PAPPA2: variants seen among roughly 807,000 people sequenced by gnomAD.
The protein encoded by PAPPA2 is pappalysin 2.
In PAPPA2, 86 loss-of-function variants were observed where a neutral mutation model predicts 176.4. That is an observed-to-expected ratio of 0.49 (90% CI 0.41 to 0.58). The LOEUF (loss-of-function observed/expected upper bound fraction) is 0.58, where lower values mean the gene tolerates loss of function less well. Among genes scored for constraint, PAPPA2 ranks in the 20% least tolerant of loss-of-function variants. The probability of loss-of-function intolerance (pLI) is 0.00; values close to 1 mark genes in which losing one functional copy is unlikely to be tolerated. For missense variants in PAPPA2, 2,073 were observed against 2,256.9 expected, an observed-to-expected ratio of 0.92 and a Z score of 1.65; for synonymous variants, 809 against 852.2, an observed-to-expected ratio of 0.95 and a Z score of 0.88.
At chr1:176,527,890 G>A (rs774028673) in intron 1 of PAPPA2, among the ~76,000 whole-genome samples, 16 of 152,356 alleles carry the variant, frequency 1.1e-4, no homozygotes, top group Non-Finnish European at 2.1e-4. Context: ...CGGGAACAGA[G>A]CTTCTGATGG....
chr1:176,674,787 A>G (rs1165017106), intron 4 of PAPPA2, among the ~76,000 whole-genome samples: 1 of 146,516 alleles, frequency 6.8e-6, no homozygotes, highest in Non-Finnish European at 1.5e-5. Context: ...CTTTGGGTAG[A>G]TACCCAGTAG....
chr1:176,473,875 C>A (rs1251863625), intron 1 of PAPPA2, among the ~76,000 whole-genome samples: 1 of 152,114 alleles, frequency 6.6e-6, no homozygotes, highest in African/African-American at 2.4e-5. Context: ...ATTTTCTAAT[C>A]TCATTGTGTT....
intron 1 of PAPPA2, among the ~76,000 whole-genome samples, chr1:176,471,507 T>A (rs181233007): frequency 2.6e-5 from 4 of 152,026 alleles, no homozygotes; most frequent in Admixed American, 2.6e-4. Context: ...AGGCAAGCAC[T>A]CGGTTAACCA....
intron 3 of PAPPA2, among the ~76,000 whole-genome samples, chr1:176,623,614 C>CTTTTTTACTTT (rs1558479036): frequency 1.1e-5 from 1 of 88,262 alleles, no homozygotes; most frequent in African/African-American, 5.2e-5. Context: ...TTCCTTCCTT[C>CTTTTTTACTTT]CTTCCTTCCT....
chr1:176,747,967 G>A (rs753079231), intron 14 of PAPPA2, among the ~76,000 whole-genome samples: 5 of 152,200 alleles, frequency 3.3e-5, no homozygotes, highest in African/African-American at 4.8e-5. Flanking sequence ...CTCACCTATG[G>A]TAGCTTGTTT....
chr1:176,538,097 T>A (rs1244257538), intron 1 of PAPPA2, among the ~76,000 whole-genome samples: 10 of 152,132 alleles, frequency 6.6e-5, no homozygotes, highest in African/African-American at 2.4e-4. Context: ...ATCCAGAGTG[T>A]TACAAACCTT....
chr1:176,505,878 G>A (rs1648232453), intron 1 of PAPPA2, among the ~76,000 whole-genome samples: 1 of 152,038 alleles, frequency 6.6e-6, no homozygotes, highest in Non-Finnish European at 1.5e-5. Flanking sequence ...TGCATGCAAA[G>A]GAATAAATCT....
chr1:176,517,758 C>T (rs186887460), intron 1 of PAPPA2, among the ~76,000 whole-genome samples: 5 of 152,258 alleles, frequency 3.3e-5, no homozygotes, highest in African/African-American at 1.2e-4. Flanking sequence ...AGTCAGGCGC[C>T]TTTCATTGGT....
At chr1:176,694,535 A>G (rs576364564) in intron 6 of PAPPA2, among the ~76,000 whole-genome samples, 13 of 152,346 alleles carry the variant, frequency 8.5e-5, no homozygotes, top group African/African-American at 2.6e-4. Context: ...ATTTTATAAT[A>G]CTATTTTTCT....
At chr1:176,659,558 A>G (rs527928210) in intron 3 of PAPPA2, among the ~76,000 whole-genome samples, 12 of 152,224 alleles carry the variant, frequency 7.9e-5, no homozygotes, top group African/African-American at 2.9e-4. Context: ...TAGGACTCCA[A>G]CATCTTATGG....
chr1:176,791,607 G>A (rs1665182599), intron 19 of PAPPA2, 125 bp downstream of exon 19: 3 of 1,138,132 alleles, frequency 2.6e-6, no homozygotes, highest in African/African-American at 3.2e-5. Flanking sequence ...AGGCTGGGGT[G>A]CAGTGGCACA....
chr1:176,536,216 T>C (rs1650059267), intron 1 of PAPPA2, among the ~76,000 whole-genome samples: 2 of 152,208 alleles, frequency 1.3e-5, no homozygotes, highest in Admixed American at 6.5e-5. Flanking sequence ...TTCTTTTCTC[T>C]CTCTGGAAAG....
At chr1:176,805,068 TTC>T (rs1665842842) in intron 21 of PAPPA2, among the ~76,000 whole-genome samples, 1 of 143,670 alleles carries the variant, frequency 7.0e-6, no homozygotes, top group Non-Finnish European at 1.5e-5. Flanking sequence ...CTTCCCTTCC[TTC>T]CTTCCTTCCT....
chr1:176,568,401 A>G (rs1652110770), intron 2 of PAPPA2, among the ~76,000 whole-genome samples: 1 of 152,224 alleles, frequency 6.6e-6, no homozygotes, highest in Non-Finnish European at 1.5e-5. Flanking sequence ...GGACAACTCA[A>G]GGAAGAAGAT....
intron 3 of PAPPA2, among the ~76,000 whole-genome samples, chr1:176,638,209 C>T (rs1558488949): frequency 6.6e-6 from 1 of 151,888 alleles, no homozygotes; most frequent in Non-Finnish European, 1.5e-5. Context: ...ATTATAAAAC[C>T]ATCTATCCTG....
At chr1:176,751,046 GC>G (rs1317464280) in intron 14 of PAPPA2, among the ~76,000 whole-genome samples, 1 of 151,818 alleles carries the variant, frequency 6.6e-6, no homozygotes, top group Non-Finnish European at 1.5e-5. Flanking sequence ...TCCAGTTTCA[GC>G]TTTCTACATA....
intron 17 of PAPPA2, among the ~76,000 whole-genome samples, chr1:176,788,339 T>A (rs1188748754): frequency 6.6e-6 from 1 of 152,190 alleles, no homozygotes; most frequent in Non-Finnish European, 1.5e-5. Flanking sequence ...ATGTGATAAA[T>A]GTTTTACTAG....
chr1:176,821,198 T>C (rs1192488612), intron 21 of PAPPA2, among the ~76,000 whole-genome samples: 1 of 152,098 alleles, frequency 6.6e-6, no homozygotes, highest in Non-Finnish European at 1.5e-5. Flanking sequence ...AATCAGAAAT[T>C]CCCATCACAG....
At chr1:176,709,726 C>T (rs935908459) in intron 10 of PAPPA2, among the ~76,000 whole-genome samples, 2 of 152,098 alleles carry the variant, frequency 1.3e-5, no homozygotes, top group African/African-American at 4.8e-5. Flanking sequence ...GTTCTTTCTC[C>T]CCTGATCTCA....
Sources: gnomAD v4.1 joint callset for allele counts (sites outside exome capture counted in the v4.1 genomes callset) on GRCh38, gnomAD v4.1.1 for gene constraint, MANE v1.5 for transcripts, NCBI Gene and HGNC (gene_info 2026-07-23, HGNC 2026-07-21) for gene names.